PDE4D: variants seen among roughly 807,000 people sequenced by gnomAD.
PDE4D encodes the protein phosphodiesterase 4D.
In PDE4D, 24 loss-of-function variants were observed where a neutral mutation model predicts 87.4. The observed-to-expected ratio is 0.27, with a 90% CI of 0.20 to 0.39. The LOEUF (loss-of-function observed/expected upper bound fraction) is 0.39, where lower values mean the gene tolerates loss of function less well. Ranked by LOEUF, PDE4D falls within the 10% of genes least tolerant of loss-of-function variation. The pLI is 1.00. For missense variants in PDE4D, 714 were observed against 1,041.0 expected, an observed-to-expected ratio of 0.69 and a Z score of 4.32; for synonymous variants, 384 against 383.2, an observed-to-expected ratio of 1.00 and a Z score of -0.02.
At chr5:60,043,608 C>T (rs1207061849) in intron 2 of PDE4D, among the ~76,000 whole-genome samples, 1 of 151,342 alleles carries the variant, frequency 6.6e-6, no homozygotes, top group Non-Finnish European at 1.5e-5. Flanking sequence ...TCTGCAGAAA[C>T]CCTACAAGAC....
At chr5:60,167,426 GC>G (rs1399568767) in intron 2 of PDE4D, among the ~76,000 whole-genome samples, 1 of 151,300 alleles carries the variant, frequency 6.6e-6, no homozygotes, top group African/African-American at 2.4e-5. Flanking sequence ...CCGCCACCTC[GC>G]CCGGCTAATT....
chr5:60,195,868 A>G (rs1338559897), intron 1 of PDE4D, among the ~76,000 whole-genome samples: 1 of 151,744 alleles, frequency 6.6e-6, no homozygotes, highest in Non-Finnish European at 1.5e-5. Flanking sequence ...GCCATTTCAT[A>G]TACTGATGTT....
intron 1 of PDE4D, among the ~76,000 whole-genome samples, chr5:59,564,815 A>G (rs1820610965): frequency 6.6e-6 from 1 of 152,124 alleles, no homozygotes; most frequent in Non-Finnish European, 1.5e-5. Flanking sequence ...CTACTTGAGG[A>G]GCGATGTTTG....
intron 5 of PDE4D, among the ~76,000 whole-genome samples, chr5:59,171,765 T>C (rs994225136): frequency 7.2e-6 from 1 of 138,556 alleles, no homozygotes; most frequent in African/African-American, 2.8e-5. Context: ...GCTCTCTCTC[T>C]CTCTATATAT....
intron 1 of PDE4D, among the ~76,000 whole-genome samples, chr5:59,305,499 CTTTTTTGCTCT>C (rs1322621054): frequency 2.0e-5 from 3 of 151,636 alleles, no homozygotes; most frequent in Admixed American, 2.0e-4. Context: ...TGTAGATTGT[CTTTTTTGCTCT>C]TTCAGTCTTT....
At chr5:59,817,053 G>A (rs1769052600) in intron 1 of PDE4D, among the ~76,000 whole-genome samples, 1 of 152,154 alleles carries the variant, frequency 6.6e-6, no homozygotes, top group Non-Finnish European at 1.5e-5. Context: ...CTCTCCATCT[G>A]CTCTCCCCAC....
At chr5:59,643,689 GATTTAC>G (rs1561390831) in intron 1 of PDE4D, among the ~76,000 whole-genome samples, 1 of 152,152 alleles carries the variant, frequency 6.6e-6, no homozygotes, top group Non-Finnish European at 1.5e-5. Flanking sequence ...AATTAGCATC[GATTTAC>G]ATTTACATCT....
At chr5:59,044,043 T>C (rs1760205873) in intron 5 of PDE4D, among the ~76,000 whole-genome samples, 1 of 152,246 alleles carries the variant, frequency 6.6e-6, no homozygotes, top group African/African-American at 2.4e-5. Flanking sequence ...TATAGCAGCA[T>C]GATTTATAAT....
At chr5:60,310,633 T>C (rs1281882943) in intron 1 of PDE4D, among the ~76,000 whole-genome samples, 4 of 152,192 alleles carry the variant, frequency 2.6e-5, no homozygotes, top group Non-Finnish European at 5.9e-5. Flanking sequence ...TTCTAACAGA[T>C]ACCGACATTA....
chr5:59,094,054 CT>C (rs1319522935), intron 5 of PDE4D, among the ~76,000 whole-genome samples: 3 of 151,544 alleles, frequency 2.0e-5, no homozygotes, highest in Admixed American at 2.0e-4. Flanking sequence ...CCCATCTCTA[CT>C]AAAAATACAA....
chr5:60,338,483 T>A (rs527339853), intron 1 of PDE4D, among the ~76,000 whole-genome samples: 2 of 151,900 alleles, frequency 1.3e-5, no homozygotes, highest in Admixed American at 1.3e-4. Flanking sequence ...CGCTCTAGAG[T>A]CAGAGTCCCA....
intron 1 of PDE4D, among the ~76,000 whole-genome samples, chr5:60,210,841 A>C (rs1743117432): frequency 1.3e-5 from 2 of 151,680 alleles, no homozygotes; most frequent in Admixed American, 1.3e-4. Flanking sequence ...AGGTGGCCTC[A>C]GGGACCAAGA....
chr5:60,247,047 C>A (rs1443422381), intron 1 of PDE4D, among the ~76,000 whole-genome samples: 1 of 151,968 alleles, frequency 6.6e-6, no homozygotes, highest in African/African-American at 2.4e-5. Context: ...TTGAAGGAGA[C>A]ATTCTTTTTC....
chr5:59,746,866 C>T (rs992511244), intron 1 of PDE4D, among the ~76,000 whole-genome samples: 2 of 152,054 alleles, frequency 1.3e-5, no homozygotes, highest in African/African-American at 4.8e-5. Context: ...TCATTCTTCT[C>T]TGCTGCTTCC....
intron 1 of PDE4D, among the ~76,000 whole-genome samples, chr5:59,808,156 A>C (rs1767951116): frequency 6.6e-6 from 1 of 152,222 alleles, no homozygotes; most frequent in African/African-American, 2.4e-5. Context: ...TGTTCTGCTC[A>C]GGAAACAGGC....
chr5:60,068,538 C>A (rs1476914869), intron 2 of PDE4D, among the ~76,000 whole-genome samples: 1 of 151,728 alleles, frequency 6.6e-6, no homozygotes, highest in African/African-American at 2.4e-5. Context: ...AATATTCCCC[C>A]CATTCTGTAA....
intron 6 of PDE4D, among the ~76,000 whole-genome samples, chr5:59,020,480 T>TAA (rs564551539): frequency 4.1e-5 from 6 of 145,148 alleles, no homozygotes; most frequent in Admixed American, 6.9e-5. Flanking sequence ...CTCAGAAAAT[T>TAA]AAAAAAAAAA....
chr5:59,881,866 C>T (rs1181813194), intron 1 of PDE4D, among the ~76,000 whole-genome samples: 1 of 152,136 alleles, frequency 6.6e-6, no homozygotes, highest in East Asian at 1.9e-4. Flanking sequence ...TCTGAAAATA[C>T]TTCACCAAAA....
At chr5:59,618,121 T>C (rs1025467225) in intron 1 of PDE4D, among the ~76,000 whole-genome samples, 1 of 152,182 alleles carries the variant, frequency 6.6e-6, no homozygotes, top group Non-Finnish European at 1.5e-5. Flanking sequence ...AAAGTTTCTA[T>C]GTTAAAGGAA....
Sources: gnomAD v4.1 joint callset for allele counts (sites outside exome capture counted in the v4.1 genomes callset) on GRCh38, gnomAD v4.1.1 for gene constraint, MANE v1.5 for transcripts, NCBI Gene and HGNC (gene_info 2026-07-23, HGNC 2026-07-21) for gene names.